Variants in PTPRD observed in about 807,000 individuals in gnomAD.
PTPRD encodes the protein protein tyrosine phosphatase receptor type D.
In PTPRD, 34 loss-of-function variants were observed where a neutral mutation model predicts 214.5. The observed-to-expected ratio is 0.16, with a 90% CI of 0.12 to 0.21. The LOEUF (loss-of-function observed/expected upper bound fraction) is 0.21, where lower values mean the gene tolerates loss of function less well. PTPRD is among the 10% of genes least tolerant of loss of function. The probability of loss-of-function intolerance (pLI) is 1.00; values close to 1 mark genes in which losing one functional copy is unlikely to be tolerated. For missense variants in PTPRD, 2,545 were observed against 2,398.7 expected (o/e 1.06, Z -1.27); for synonymous variants, 1,128 against 845.7 (o/e 1.33, Z -5.79).
chr9:10,499,212 G>C (rs833442), intron 2 of PTPRD, among the ~76,000 whole-genome samples: 33,599 of 151,738 alleles, frequency 0.22, 3,977 homozygotes, highest in East Asian at 0.37. Context: ...CACATACCAA[G>C]CTTGAGGTTT....
At position 8,829,172 on chromosome 9, in the gene PTPRD, C is replaced by CA. The variant is rs753293409; in HGVS notation, c.-103-95227dup. Among the ~76,000 whole-genome samples, 23 of 152,088 alleles carry CA rather than the reference C, an allele frequency of 1.5e-4. 1 individual carries two copies. Among genetic ancestry groups the CA allele is most frequent in the Admixed American group, 8.5e-4 (13 of 15,258 alleles). On this transcript the variant is annotated intron_variant, in intron 11 of 45. Transcript: ENST00000381196. ...CCGGGTTTTAGGTGCAGCTGGATGA[C>CA]ATTTAACAAATGTTATGTCTACATA...
At chr9:9,364,724 C>T (rs187382071) in intron 9 of PTPRD, among the ~76,000 whole-genome samples, 1 of 151,382 alleles carries the variant, frequency 6.6e-6, no homozygotes, top group African/African-American at 2.4e-5. Flanking sequence ...TATATAAAGA[C>T]CTTTAGGCTG....
chr9:9,487,512 A>G (rs2095701806), intron 8 of PTPRD, among the ~76,000 whole-genome samples: 2 of 152,124 alleles, frequency 1.3e-5, no homozygotes, highest in Non-Finnish European at 1.5e-5. Flanking sequence ...ATAGTGCCGC[A>G]ATAAACATAC....
chr9:10,058,894 C>T (rs575397016), intron 3 of PTPRD, among the ~76,000 whole-genome samples: 8 of 152,066 alleles, frequency 5.3e-5, no homozygotes, highest in African/African-American at 1.9e-4. Context: ...AATAAAATAA[C>T]CTTAACTGAG....
chr9:8,767,175 T>C (rs1599141220), intron 11 of PTPRD, among the ~76,000 whole-genome samples: 1 of 152,242 alleles, frequency 6.6e-6, no homozygotes, highest in East Asian at 1.9e-4. Context: ...TGGAATGCAA[T>C]GGCACGATCT....
At chr9:9,959,113 A>T (rs1449895838) in intron 4 of PTPRD, among the ~76,000 whole-genome samples, 1 of 152,168 alleles carries the variant, frequency 6.6e-6, no homozygotes, top group Non-Finnish European at 1.5e-5. Flanking sequence ...TGTTCAACAG[A>T]TGAATGAATA....
intron 7 of PTPRD, among the ~76,000 whole-genome samples, chr9:9,728,160 T>C (rs1237055077): frequency 2.0e-5 from 3 of 152,144 alleles, no homozygotes; most frequent in Admixed American, 2.0e-4. Context: ...TCTGCCATGA[T>C]TGTGAGACTC....
intron 12 of PTPRD, among the ~76,000 whole-genome samples, chr9:8,693,525 T>C (rs2097850906): frequency 6.6e-6 from 1 of 152,176 alleles, no homozygotes; most frequent in East Asian, 1.9e-4. Flanking sequence ...TTGCAAGCAC[T>C]TTATCAGTAC....
chr9:8,382,124 C>A (rs1225982130), intron 37 of PTPRD, among the ~76,000 whole-genome samples: 1 of 152,128 alleles, frequency 6.6e-6, no homozygotes, highest in Non-Finnish European at 1.5e-5. Flanking sequence ...TTAGATGACT[C>A]AATGTTTCAA....
intron 2 of PTPRD, among the ~76,000 whole-genome samples, chr9:10,412,435 C>CA (rs551028936): frequency 7.4e-5 from 11 of 148,726 alleles, no homozygotes; most frequent in South Asian, 2.1e-4. Flanking sequence ...GCCTGCCAAC[C>CA]AAAAAAAAAG....
intron 12 of PTPRD, among the ~76,000 whole-genome samples, chr9:8,703,280 G>A (rs1181630287): frequency 1.3e-5 from 2 of 152,014 alleles, no homozygotes; most frequent in African/African-American, 2.4e-5. Context: ...CTCTTTTTTT[G>A]TTAAATGAGT....
chr9:8,353,294 C>A (rs1264313239), intron 39 of PTPRD, among the ~76,000 whole-genome samples: 1 of 152,130 alleles, frequency 6.6e-6, no homozygotes, highest in East Asian at 1.9e-4. Context: ...GTTTGCAACA[C>A]CCTAGCAACC....
intron 3 of PTPRD, among the ~76,000 whole-genome samples, chr9:10,136,323 C>G (rs148705688): frequency 1.3e-5 from 2 of 152,102 alleles, no homozygotes; most frequent in Non-Finnish European, 1.5e-5. Flanking sequence ...CTAGATAGAT[C>G]ATCAAGGCAG....
At chr9:9,525,174 A>C (rs951006462) in intron 8 of PTPRD, among the ~76,000 whole-genome samples, 4 of 152,124 alleles carry the variant, frequency 2.6e-5, no homozygotes, top group African/African-American at 9.7e-5. Flanking sequence ...GAGTTTTTAT[A>C]GAAACTGAAT....
chr9:9,595,985 T>A (rs2093322114), intron 7 of PTPRD, among the ~76,000 whole-genome samples: 1 of 152,022 alleles, frequency 6.6e-6, no homozygotes, highest in Non-Finnish European at 1.5e-5. Context: ...TTCCTATTAG[T>A]ATCCATCACA....
intron 8 of PTPRD, among the ~76,000 whole-genome samples, chr9:9,423,314 A>C (rs2079541741): frequency 6.6e-6 from 1 of 152,140 alleles, no homozygotes; most frequent in African/African-American, 2.4e-5. Flanking sequence ...ATAAGAGACC[A>C]GGGTTCTCTT....
chr9:10,402,964 C>G (rs2154497991), intron 2 of PTPRD, among the ~76,000 whole-genome samples: 1 of 151,460 alleles, frequency 6.6e-6, no homozygotes. Flanking sequence ...CGCTTCCTCA[C>G]AGCACATCAA....
chr9:8,830,508 G>A (rs1434255), intron 11 of PTPRD, among the ~76,000 whole-genome samples: 2 of 151,792 alleles, frequency 1.3e-5, no homozygotes, highest in Admixed American at 6.6e-5. Context: ...ATCGAATCAT[G>A]GACAGATGAG....
intron 3 of PTPRD, among the ~76,000 whole-genome samples, chr9:10,245,100 T>A (rs918044808): frequency 6.6e-6 from 1 of 152,160 alleles, no homozygotes; most frequent in African/African-American, 2.4e-5. Context: ...ATTTTACATA[T>A]TATTGACAGA....
Sources: allele counts gnomAD v4.1 joint callset (sites outside exome capture counted in the v4.1 genomes callset), GRCh38; gene constraint gnomAD v4.1.1; transcripts MANE v1.5; gene names NCBI Gene and HGNC (gene_info 2026-07-23, HGNC 2026-07-21).